Variants in DSCAM observed in about 807,000 individuals in gnomAD.
DSCAM encodes cell adhesion molecule DSCAM.
Under a neutral mutation model 217.7 loss-of-function variants are expected in DSCAM, and 47 were observed. The observed-to-expected ratio is 0.22, with a 90% CI of 0.17 to 0.28. The LOEUF (loss-of-function observed/expected upper bound fraction) is 0.28. Ranked by LOEUF, DSCAM falls within the 10% of genes least tolerant of loss-of-function variation. The probability of loss-of-function intolerance (pLI) is 1.00; values close to 1 mark genes in which losing one functional copy is unlikely to be tolerated. For missense variants in DSCAM, 2,080 were observed against 2,618.3 expected (o/e 0.79, Z 4.49); for synonymous variants, 1,056 against 1,015.3 (o/e 1.04, Z -0.76).
chr21:40,020,897 T>TGC (rs1174912574), intron 32 of DSCAM, among the ~76,000 whole-genome samples: 2 of 152,148 alleles, frequency 1.3e-5, no homozygotes, highest in East Asian at 3.9e-4. Context: ...CACTGTGCTC[T>TGC]GCCCTGAGGC....
intron 3 of DSCAM, among the ~76,000 whole-genome samples, chr21:40,677,058 G>GC (rs891412588): frequency 4.6e-5 from 7 of 152,106 alleles, no homozygotes; most frequent in Non-Finnish European, 1.0e-4. Flanking sequence ...CATCTAATTA[G>GC]CCGGGGGGGA....
intron 4 of DSCAM, among the ~76,000 whole-genome samples, chr21:40,363,011 G>C (rs1013239589): frequency 6.6e-6 from 1 of 151,992 alleles, no homozygotes; most frequent in Non-Finnish European, 1.5e-5. Context: ...ATGTCATTTT[G>C]ACAAGACCCC....
intron 3 of DSCAM, among the ~76,000 whole-genome samples, chr21:40,512,342 C>T (rs2076266106): frequency 6.6e-6 from 1 of 152,136 alleles, no homozygotes; most frequent in Non-Finnish European, 1.5e-5. Flanking sequence ...GGGGATACAA[C>T]AGCAAGGACA....
In DSCAM at chr21:40,742,903, G is replaced by A. The variant is rs142699140; in HGVS notation, c.44-34132C>T. 1.5e-3 allele frequency among the ~76,000 whole-genome samples: 233 copies of A among 152,116 alleles called. 6 individuals carry two copies. The highest frequency in any genetic ancestry group is 3.3e-3 in the East Asian group (17 of 5,182). ...ATCATTATTTTTATTTTAAAGATGA[G>A]GAAATACAATTATCAAAAAAGTTAA... On this transcript the variant is annotated intron_variant, in intron 1 of 32. Coordinates refer to ENST00000400454, the MANE Select transcript of DSCAM (RefSeq NM_001389.5).
chr21:40,033,603 G>A (rs539852586), intron 32 of DSCAM, among the ~76,000 whole-genome samples: 38 of 151,806 alleles, frequency 2.5e-4, no homozygotes, highest in African/African-American at 8.3e-4. Flanking sequence ...GGGGGAGGGG[G>A]GCCCCCCATT....
chr21:40,581,414 G>C (rs1040274148), intron 3 of DSCAM, among the ~76,000 whole-genome samples: 1 of 152,144 alleles, frequency 6.6e-6, no homozygotes, highest in Admixed American at 6.5e-5. Flanking sequence ...TTTTACAGGC[G>C]AAGAAATAGG....
intron 3 of DSCAM, among the ~76,000 whole-genome samples, chr21:40,682,800 G>A (rs1250983499): frequency 1.6e-4 from 2 of 12,836 alleles, no homozygotes; most frequent in African/African-American, 8.9e-4. Context: ...GGAGGGAAGG[G>A]AAGGGAAGGG....
rs144841583 is a variant in DSCAM, at chr21:40,057,595, A to G, written c.4920-1755T>C. ...GCGATGAACACCAAGTGCAGGCTAT[A>G]CTTAAACAACAATAAGGGGTCTGCT... is the stretch of plus-strand genomic sequence containing the variant. On this transcript the variant is annotated intron_variant, in intron 28 of 32. Transcript: ENST00000400454. Among the ~76,000 whole-genome samples the G allele has an allele frequency of 8.8e-4, 134 of 152,324 alleles. 1 individual carries two copies. The Middle Eastern group carries it at 0.02, about 23-fold the overall frequency.
intron 11 of DSCAM, among the ~76,000 whole-genome samples, chr21:40,234,475 C>A (rs887417247): frequency 6.6e-6 from 1 of 152,206 alleles, no homozygotes; most frequent in Non-Finnish European, 1.5e-5. Context: ...TAAGCTATTA[C>A]GTGCTTTTCC....
chr21:40,130,408 C>T (rs1038734097), intron 19 of DSCAM, among the ~76,000 whole-genome samples: 2 of 152,124 alleles, frequency 1.3e-5, no homozygotes, highest in Non-Finnish European at 2.9e-5. Context: ...GGAAAGAGAA[C>T]GTGAACTGTG....
intron 3 of DSCAM, among the ~76,000 whole-genome samples, chr21:40,638,368 G>A (rs1187216647): frequency 1.3e-5 from 2 of 152,124 alleles, no homozygotes; most frequent in East Asian, 1.9e-4. Flanking sequence ...GCAAAGGGTG[G>A]TGGTCTGCAT....
intron 3 of DSCAM, chr21:40,629,519 A>C (rs1266865249): frequency 2.6e-5 from 4 of 152,206 alleles, no homozygotes; most frequent in Non-Finnish European, 5.9e-5. Context: ...AAGGAGTTTT[A>C]AGAGCTAGTT....
At chr21:40,267,021 C>T (rs1051047679) in intron 11 of DSCAM, among the ~76,000 whole-genome samples, 2 of 112,086 alleles carry the variant, frequency 1.8e-5, no homozygotes, top group African/African-American at 7.1e-5. Flanking sequence ...TCGGGAGACT[C>T]AGAAGTGGGG....
chr21:40,311,017 G>C (rs1262066205), intron 9 of DSCAM, among the ~76,000 whole-genome samples: 1 of 152,012 alleles, frequency 6.6e-6, no homozygotes, highest in Non-Finnish European at 1.5e-5. Flanking sequence ...TTTGCTGGCA[G>C]GTAGATAAAA....
chr21:40,274,374 T>C (rs555817564), intron 11 of DSCAM, among the ~76,000 whole-genome samples: 1 of 152,334 alleles, frequency 6.6e-6, no homozygotes, highest in African/African-American at 2.4e-5. Context: ...ATCTTCTTCC[T>C]GGTTATCTCC....
At chr21:40,559,254 T>C (rs777951325) in intron 3 of DSCAM, among the ~76,000 whole-genome samples, 1 of 151,662 alleles carries the variant, frequency 6.6e-6, no homozygotes, top group Non-Finnish European at 1.5e-5. Context: ...GGCAGGAGAT[T>C]GAGACCATCC....
At chr21:40,802,918 G>A (rs775171454) in intron 1 of DSCAM, among the ~76,000 whole-genome samples, 1 of 152,146 alleles carries the variant, frequency 6.6e-6, no homozygotes, top group African/African-American at 2.4e-5. Context: ...GGATATCCTG[G>A]GGAAGTGACA....
intron 3 of DSCAM, among the ~76,000 whole-genome samples, chr21:40,579,588 T>C (rs73902689): frequency 4.1e-4 from 63 of 152,322 alleles, no homozygotes; most frequent in African/African-American, 1.3e-3. Flanking sequence ...AACCCATGTC[T>C]TGCCTATATG....
intron 4 of DSCAM, among the ~76,000 whole-genome samples, chr21:40,360,607 C>T (rs1382126448): frequency 6.6e-6 from 1 of 152,050 alleles, no homozygotes; most frequent in Admixed American, 6.6e-5. Context: ...GAATTATGGC[C>T]TCCAGCTCCA....
Sources: gnomAD v4.1 joint callset for allele counts (sites outside exome capture counted in the v4.1 genomes callset) on GRCh38, gnomAD v4.1.1 for gene constraint, MANE v1.5 for transcripts, NCBI Gene and HGNC (gene_info 2026-07-23, HGNC 2026-07-21) for gene names.